LRRTM4: variants seen among roughly 807,000 people sequenced by gnomAD.
LRRTM4 encodes leucine rich repeat transmembrane neuronal 4, also known as leucine-rich repeat transmembrane neuronal protein 4.
LRRTM4 carries 25 observed loss-of-function variants against 47.6 expected under a neutral mutation model. The ratio of observed to expected loss-of-function variants is 0.53; its 90% CI spans 0.38 to 0.73. LRRTM4 has a LOEUF of 0.73. Ranked by LOEUF, LRRTM4 falls within the 30% of genes least tolerant of loss-of-function variation. LRRTM4 has a pLI of 0.00. For missense variants in LRRTM4, 638 were observed against 713.4 expected, an observed-to-expected ratio of 0.89 and a Z score of 1.20; for synonymous variants, 311 against 269.5, an observed-to-expected ratio of 1.15 and a Z score of -1.51.
rs542069445 is a variant in LRRTM4, at chr2:77,431,891, T to A, written c.1551+86427A>T. On this transcript the variant is annotated intron_variant, in intron 3 of 3. Coordinates refer to ENST00000409884, the MANE Select transcript of LRRTM4 (RefSeq NM_001134745.3). ...GAGATCGAGACCATCCTGGCCAACATGGGGAAACCCTGTCTCTACTAAAAA... is the reference window on the plus strand; with the variant it reads ...GAGATCGAGACCATCCTGGCCAACAAGGGGAAACCCTGTCTCTACTAAAAA... Among the ~76,000 whole-genome samples, 4 of 137,410 alleles carry A rather than the reference T, an allele frequency of 2.9e-5. No individual in the cohort carries two copies. In the South Asian group the frequency reaches 6.3e-4, roughly 21 times the overall value. 90.1% of individuals were successfully genotyped at this position (137,410 alleles called of 152,430 possible). A position where few individuals can be genotyped will look rare whatever the true frequency, so the allele number is the denominator to read the frequency against.
At chr2:77,463,375 A>T (rs2103976584) in intron 3 of LRRTM4, among the ~76,000 whole-genome samples, 1 of 152,228 alleles carries the variant, frequency 6.6e-6, no homozygotes, top group East Asian at 1.9e-4. Flanking sequence ...AGGTATTTTC[A>T]TGAATACGCT....
At chr2:77,398,540 C>T (rs2103830090) in intron 3 of LRRTM4, among the ~76,000 whole-genome samples, 1 of 151,778 alleles carries the variant, frequency 6.6e-6, no homozygotes, top group Admixed American at 6.6e-5. Flanking sequence ...TGATGAATTA[C>T]AGAACAACTT....
intron 3 of LRRTM4, among the ~76,000 whole-genome samples, chr2:76,931,123 G>C (rs1674754894): frequency 6.6e-6 from 1 of 151,654 alleles, no homozygotes; most frequent in Non-Finnish European, 1.5e-5. Flanking sequence ...CAATGAGAAA[G>C]AAAGAAAGAA....
intron 3 of LRRTM4, among the ~76,000 whole-genome samples, chr2:77,348,024 T>TACACAC (rs10597438): frequency 9.4e-5 from 14 of 148,548 alleles, no homozygotes; most frequent in South Asian, 4.3e-4. Context: ...AAAACACAAG[T>TACACAC]ACACACACAC....
chr2:77,112,838 C>T (rs1189204271), intron 3 of LRRTM4, among the ~76,000 whole-genome samples: 3 of 152,100 alleles, frequency 2.0e-5, no homozygotes, highest in Admixed American at 2.0e-4. Flanking sequence ...TATATGCAGG[C>T]AACACCTCCT....
At chr2:77,406,791 A>C (rs139578700) in intron 3 of LRRTM4, among the ~76,000 whole-genome samples, 78 of 152,290 alleles carry the variant, frequency 5.1e-4, no homozygotes, top group African/African-American at 1.7e-3. Context: ...CTGAAGTAGA[A>C]AACATTTCTT....
chr2:77,263,217 G>A (rs1675965497), intron 3 of LRRTM4, among the ~76,000 whole-genome samples: 1 of 152,084 alleles, frequency 6.6e-6, no homozygotes, highest in Admixed American at 6.6e-5. Flanking sequence ...CCTGGAGAGG[G>A]CAGGGAATTC....
At chr2:76,930,614 T>C (rs1455110573) in intron 3 of LRRTM4, among the ~76,000 whole-genome samples, 1 of 152,114 alleles carries the variant, frequency 6.6e-6, no homozygotes, top group African/African-American at 2.4e-5. Flanking sequence ...TCTTACAGCA[T>C]GTTGTGTGAC....
At chr2:76,970,093 T>C (rs1676166872) in intron 3 of LRRTM4, among the ~76,000 whole-genome samples, 1 of 151,820 alleles carries the variant, frequency 6.6e-6, no homozygotes, top group Non-Finnish European at 1.5e-5. Flanking sequence ...AACAGGTGAG[T>C]CTCAAAGCAG....
chr2:76,855,731 A>C (rs1672130090), intron 3 of LRRTM4, among the ~76,000 whole-genome samples: 1 of 152,140 alleles, frequency 6.6e-6, no homozygotes, highest in African/African-American at 2.4e-5. Flanking sequence ...CAGGAAGAGA[A>C]ATCACTGTCC....
chr2:77,317,223 A>G (rs924411226), intron 3 of LRRTM4, among the ~76,000 whole-genome samples: 36 of 152,304 alleles, frequency 2.4e-4, no homozygotes, highest in Non-Finnish European at 3.7e-4. Context: ...AACATATGAC[A>G]AATATTAAGT....
At chr2:76,923,685 T>C (rs1016405916) in intron 3 of LRRTM4, among the ~76,000 whole-genome samples, 3 of 152,198 alleles carry the variant, frequency 2.0e-5, no homozygotes, top group African/African-American at 4.8e-5. Flanking sequence ...GCCACTTCCT[T>C]TAGTCAATCC....
intron 3 of LRRTM4, among the ~76,000 whole-genome samples, chr2:77,116,654 C>T (rs1671395658): frequency 6.6e-6 from 1 of 152,122 alleles, no homozygotes; most frequent in South Asian, 2.1e-4. Context: ...AAACAGTCAT[C>T]CAGAGCCTGA....
At chr2:76,988,742 G>T (rs943665510) in intron 3 of LRRTM4, among the ~76,000 whole-genome samples, 2 of 151,522 alleles carry the variant, frequency 1.3e-5, no homozygotes, top group African/African-American at 4.8e-5. Context: ...ATAACAGGTG[G>T]TCCTCCTCCA....
intron 3 of LRRTM4, among the ~76,000 whole-genome samples, chr2:77,019,087 A>C (rs1229754652): frequency 1.3e-5 from 2 of 151,982 alleles, no homozygotes; most frequent in African/African-American, 4.8e-5. Flanking sequence ...TGTACACTTC[A>C]CAGTGCTATA....
At chr2:77,432,340 A>G (rs1277760340) in intron 3 of LRRTM4, among the ~76,000 whole-genome samples, 1 of 152,208 alleles carries the variant, frequency 6.6e-6, no homozygotes, top group Admixed American at 6.5e-5. Context: ...ACACTGTTAC[A>G]TCGTCGATTA....
chr2:76,993,623 A>G (rs1677090414), intron 3 of LRRTM4, among the ~76,000 whole-genome samples: 1 of 151,892 alleles, frequency 6.6e-6, no homozygotes, highest in Non-Finnish European at 1.5e-5. Flanking sequence ...TGATGAGTCT[A>G]CAGAGAAGAA....
intron 3 of LRRTM4, among the ~76,000 whole-genome samples, chr2:76,983,078 C>A (rs1385928694): frequency 6.6e-6 from 1 of 151,956 alleles, no homozygotes; most frequent in Non-Finnish European, 1.5e-5. Flanking sequence ...TACATTCAAA[C>A]AGATTTTAAA....
intron 3 of LRRTM4, among the ~76,000 whole-genome samples, chr2:77,137,377 C>A (rs1455953147): frequency 6.6e-6 from 1 of 151,862 alleles, no homozygotes; most frequent in East Asian, 1.9e-4. Context: ...CCAAACTAAG[C>A]TTCGTAAGTG....
Sources: allele counts gnomAD v4.1 joint callset (sites outside exome capture counted in the v4.1 genomes callset), GRCh38; gene constraint gnomAD v4.1.1; transcripts MANE v1.5; gene names NCBI Gene and HGNC (gene_info 2026-07-23, HGNC 2026-07-21).